AXDND1: variants seen among roughly 807,000 people sequenced by gnomAD.
AXDND1 encodes axonemal dynein light chain domain-containing protein 1.
AXDND1 carries 110 observed loss-of-function variants against 137.5 expected under a neutral mutation model. The observed-to-expected ratio is 0.80, with a 90% CI of 0.69 to 0.94. The LOEUF (loss-of-function observed/expected upper bound fraction) is 0.94. Ranked by LOEUF, AXDND1 falls within the 40% of genes least tolerant of loss-of-function variation. AXDND1 has a pLI of 0.00. For missense variants in AXDND1, 1,191 were observed against 1,169.8 expected (o/e 1.02, Z -0.26); for synonymous variants, 414 against 399.7 (o/e 1.04, Z -0.43).
chr1:179,390,812 A>T (rs1265826971), intron 9 of AXDND1, among the ~76,000 whole-genome samples: 1 of 148,638 alleles, frequency 6.7e-6, no homozygotes, highest in Middle Eastern at 3.2e-3. Context: ...TTTTTTATTT[A>T]TTTATTTTTT....
At chr1:179,391,724 G>A (rs1650239256) in intron 9 of AXDND1, among the ~76,000 whole-genome samples, 1 of 151,974 alleles carries the variant, frequency 6.6e-6, no homozygotes, top group African/African-American at 2.4e-5. Flanking sequence ...TTTTAGTAGA[G>A]AGAGGGTTTC....
At chr1:179,520,359 A>G (rs1253243422) in intron 21 of AXDND1, among the ~76,000 whole-genome samples, 1 of 152,138 alleles carries the variant, frequency 6.6e-6, no homozygotes, top group Non-Finnish European at 1.5e-5. Context: ...CTTACGATAC[A>G]TTTTCATATC....
intron 16 of AXDND1, chr1:179,452,904 C>T (rs12732619): frequency 0.21 from 31,162 of 151,466 alleles, 3,390 homozygotes; most frequent in Non-Finnish European, 0.24. Context: ...AAAATGGTTT[C>T]GTGGGCTGGG....
chr1:179,393,535 A>G (rs184475266), intron 9 of AXDND1, among the ~76,000 whole-genome samples: 1 of 152,024 alleles, frequency 6.6e-6, no homozygotes, highest in African/African-American at 2.4e-5. Context: ...TGGGAATTGC[A>G]TGGAATCTGT....
chr1:179,457,171 C>G, intron 16 of AXDND1: 1 of 782,882 alleles, frequency 1.3e-6, no homozygotes, highest in South Asian at 1.3e-5. Flanking sequence ...ACCCAAAGCC[C>G]CTGGAGTGCT....
At chr1:179,529,989 A>G (rs1471006113) in intron 23 of AXDND1, among the ~76,000 whole-genome samples, 1 of 152,160 alleles carries the variant, frequency 6.6e-6, no homozygotes, top group Non-Finnish European at 1.5e-5. Flanking sequence ...ACTGTGAGGC[A>G]AATATGTAAG....
rs762347086 is a variant in AXDND1 at position 179,492,890 on chromosome 1, G to A, written c.2327G>A (p.Ser776Asn). ...GGGATGGTAACAGCAATGGCTCTGA[G>A]TAAATCCACTAACTCACACAAAAAT... Reference protein sequence around the residue: ...CKGMVTAMALSKSTNSHKNAT... With the variant: ...CKGMVTAMALNKSTNSHKNAT... The change falls in exon 20 of 26, where the codon AGT becomes AAT. Residue 776 changes from serine (S) to asparagine (N), a missense_variant. Coordinates refer to ENST00000367618, the MANE Select transcript of AXDND1 (RefSeq NM_144696.6). 3 of 1,610,944 alleles carry A rather than the reference G, an allele frequency of 1.9e-6. No individual in the cohort carries two copies. In the East Asian group the frequency reaches 6.7e-5, roughly 36 times the overall value.
intron 2 of AXDND1, among the ~76,000 whole-genome samples, chr1:179,368,230 T>A (rs534911770): frequency 6.6e-6 from 1 of 152,270 alleles, no homozygotes; most frequent in African/African-American, 2.4e-5. Flanking sequence ...GGTAGAACAC[T>A]CTTTTTACAG....
chr1:179,533,293 A>G (rs1671197191), intron 23 of AXDND1, among the ~76,000 whole-genome samples: 1 of 151,198 alleles, frequency 6.6e-6, no homozygotes, highest in African/African-American at 2.4e-5. Context: ...TTTTTTCTAT[A>G]TTTTCTTTGC....
chr1:179,398,180 T>C (rs1488715138), intron 11 of AXDND1, among the ~76,000 whole-genome samples: 2 of 152,186 alleles, frequency 1.3e-5, no homozygotes, highest in Non-Finnish European at 2.9e-5. Flanking sequence ...TTTTATCCTA[T>C]ATGATGACAT....
At chr1:179,444,123 C>T (rs961776199) in intron 15 of AXDND1, among the ~76,000 whole-genome samples, 1 of 151,034 alleles carries the variant, frequency 6.6e-6, no homozygotes, top group Non-Finnish European at 1.5e-5. Context: ...AAAAGTCATA[C>T]CTCTTCAATT....
Position 179,429,521 on chromosome 1 carries a change from A to T in AXDND1, c.1234A>T (p.Ile412Phe). The change falls in exon 13 of 26, where the codon ATT (isoleucine) becomes TTT (phenylalanine). Residue 412 changes from isoleucine (I) to phenylalanine (F), a missense_variant. Physicochemically the swap from Ile to Phe is conservative, Grantham distance 21 (BLOSUM62 0). Coordinates refer to ENST00000367618, the MANE Select transcript of AXDND1 (RefSeq NM_144696.6). ...TTATAGTACATTATTTTTATAGGTG[A>T]TTGAAAGAAATAGAGTCATATTGGC... is the stretch of plus-strand genomic sequence containing the variant. ...SATYELALKV[I>F]ERNRVILARR... is the part of the protein sequence containing the mutation. 6.8e-7 allele frequency: 1 copy of T among 1,481,040 alleles called. No homozygotes were observed. Among genetic ancestry groups the T allele is most frequent in the Non-Finnish European group, 9.0e-7 (1 of 1,105,256 alleles). The allele number at this position is 1,481,040 out of a possible 1,614,324, so 91.7% of individuals were successfully genotyped here.
intron 15 of AXDND1, among the ~76,000 whole-genome samples, chr1:179,437,959 C>G (rs1049937900): frequency 6.6e-6 from 1 of 152,102 alleles, no homozygotes; most frequent in Non-Finnish European, 1.5e-5. Flanking sequence ...CAAGACCAGC[C>G]TGACCAGTAT....
chr1:179,368,320 C>G (rs1373449507), intron 2 of AXDND1, among the ~76,000 whole-genome samples: 1 of 152,146 alleles, frequency 6.6e-6, no homozygotes, highest in African/African-American at 2.4e-5. Flanking sequence ...ACTTTTAAGC[C>G]CAACCCAGAG....
chr1:179,430,320 C>T, intron 13 of AXDND1, 132 bp from the exon 14 acceptor site: 1 of 718,014 alleles, frequency 1.4e-6, no homozygotes, highest in East Asian at 2.8e-5. Context: ...AGTAGTGTAA[C>T]TTTTCAATTT....
At chr1:179,411,630 C>G (rs545251837) in intron 12 of AXDND1, among the ~76,000 whole-genome samples, 1 of 150,292 alleles carries the variant, frequency 6.7e-6, no homozygotes, top group Non-Finnish European at 1.5e-5. Context: ...TCTTTTTATT[C>G]TTGCATTTGT....
chr1:179,442,774 C>G (rs1235265896), intron 15 of AXDND1, among the ~76,000 whole-genome samples: 2 of 152,146 alleles, frequency 1.3e-5, no homozygotes, highest in Non-Finnish European at 2.9e-5. Context: ...AGCAGACCTT[C>G]TTTGTTCACA....
chr1:179,481,014 A>G (rs905438911), intron 17 of AXDND1, among the ~76,000 whole-genome samples: 10 of 151,268 alleles, frequency 6.6e-5, no homozygotes, highest in African/African-American at 2.2e-4. Flanking sequence ...TTTAAGTTCT[A>G]GGGTACATGT....
chr1:179,431,650 C>T (rs1347699759), intron 14 of AXDND1, among the ~76,000 whole-genome samples: 2 of 151,570 alleles, frequency 1.3e-5, no homozygotes, highest in Admixed American at 6.6e-5. Context: ...TTTTTCATAC[C>T]CCCTTAAAGG....
Sources: gnomAD v4.1 joint callset for allele counts (sites outside exome capture counted in the v4.1 genomes callset) on GRCh38, gnomAD v4.1.1 for gene constraint, MANE v1.5 for transcripts, NCBI Gene and HGNC (gene_info 2026-07-23, HGNC 2026-07-21) for gene names.